The following COP1 variants were observed in gnomAD, a reference collection of about 807,000 sequenced individuals.
COP1 encodes the protein COP1 E3 ubiquitin ligase.
COP1 carries 24 observed loss-of-function variants against 101.3 expected under a neutral mutation model. The observed-to-expected ratio is 0.24, with a 90% CI of 0.17 to 0.33. The LOEUF is 0.33. COP1 is among the 10% of genes least tolerant of loss of function. The pLI is 1.00. For missense variants in COP1, 663 were observed against 906.2 expected, an observed-to-expected ratio of 0.73 and a Z score of 3.45; for synonymous variants, 347 against 341.9, an observed-to-expected ratio of 1.01 and a Z score of -0.17.
intron 18 of COP1, among the ~76,000 whole-genome samples, chr1:175,952,252 T>G (rs1650033535): frequency 6.6e-6 from 1 of 151,946 alleles, no homozygotes; most frequent in African/African-American, 2.4e-5. Flanking sequence ...TGAAACCCCA[T>G]CTCTACTAAA....
chr1:175,976,573 C>T (rs1166852233), intron 18 of COP1, among the ~76,000 whole-genome samples: 1 of 152,128 alleles, frequency 6.6e-6, no homozygotes, highest in Non-Finnish European at 1.5e-5. Context: ...CCACTGTGCC[C>T]GGCCTCATTT....
intron 18 of COP1, among the ~76,000 whole-genome samples, chr1:175,951,087 A>T (rs1313813781): frequency 6.6e-6 from 1 of 151,986 alleles, no homozygotes; most frequent in African/African-American, 2.4e-5. Flanking sequence ...CTCTACTAAA[A>T]ATACAAAAAA....
intron 11 of COP1, among the ~76,000 whole-genome samples, chr1:176,058,054 C>A (rs1673983219): frequency 7.7e-6 from 1 of 129,072 alleles, no homozygotes; most frequent in Non-Finnish European, 1.8e-5. Context: ...AGGCCCTCCG[C>A]CCGGCAGCCG....
At chr1:176,116,549 T>A in intron 9 of COP1, 75 bp downstream of exon 9, 1 of 1,245,656 alleles carries the variant, frequency 8.0e-7, no homozygotes, top group Non-Finnish European at 1.2e-6. Context: ...GACATTTTAG[T>A]AAACTAATCT....
intron 6 of COP1, among the ~76,000 whole-genome samples, 156 bp from the exon 7 acceptor site, chr1:176,136,703 A>C (rs529262848): frequency 9.2e-5 from 14 of 152,286 alleles, no homozygotes; most frequent in Non-Finnish European, 1.6e-4. Flanking sequence ...ACCATCAACA[A>C]AATATAGCTA....
At chr1:175,969,068 A>ACTCTGGAGGCT (rs1407857672) in intron 18 of COP1, among the ~76,000 whole-genome samples, 1 of 152,164 alleles carries the variant, frequency 6.6e-6, no homozygotes. Context: ...CCTCCAGACT[A>ACTCTGGAGGCT]CTCTGGTAAA....
chr1:176,128,936 G>A (rs1338493425), intron 8 of COP1, among the ~76,000 whole-genome samples: 1 of 151,800 alleles, frequency 6.6e-6, no homozygotes, highest in Non-Finnish European at 1.5e-5. Flanking sequence ...TAGGCAAGAT[G>A]GCTCACTTTT....
At chr1:176,152,404 G>A (rs1052379139) in intron 5 of COP1, among the ~76,000 whole-genome samples, 10 of 151,966 alleles carry the variant, frequency 6.6e-5, no homozygotes, top group African/African-American at 2.4e-4. Flanking sequence ...TATAAATCTT[G>A]TTAATAATGT....
chr1:176,158,630 CTTTTTTTTTTTTT>C (rs35518162), intron 5 of COP1, among the ~76,000 whole-genome samples: 3 of 79,308 alleles, frequency 3.8e-5, no homozygotes, highest in East Asian at 8.7e-4. Flanking sequence ...TTTTAAGGTT[CTTTTTTTTTTTTT>C]TTTTTTTTTT....
At chr1:176,118,990 C>A (rs971797690) in intron 8 of COP1, among the ~76,000 whole-genome samples, 2 of 152,106 alleles carry the variant, frequency 1.3e-5, no homozygotes, top group African/African-American at 4.8e-5. Flanking sequence ...AAAACAAAAA[C>A]CTTGTTTCTT....
chr1:175,966,977 T>A (rs184195003), intron 18 of COP1, among the ~76,000 whole-genome samples: 2 of 152,308 alleles, frequency 1.3e-5, no homozygotes, highest in East Asian at 1.9e-4. Context: ...GATTTCTTCA[T>A]CACAAAGGAA....
intron 15 of COP1, among the ~76,000 whole-genome samples, chr1:176,020,304 C>T (rs1666530241): frequency 6.8e-6 from 1 of 146,736 alleles, no homozygotes; most frequent in Non-Finnish European, 1.5e-5. Context: ...AAGTGAGACT[C>T]CATCTCGGAA....
At chr1:176,069,125 T>A (rs1027135506) in intron 11 of COP1, among the ~76,000 whole-genome samples, 3 of 151,548 alleles carry the variant, frequency 2.0e-5, no homozygotes, top group African/African-American at 7.3e-5. Flanking sequence ...GTCAAGGCTG[T>A]AGTAAATCAG....
intron 9 of COP1, among the ~76,000 whole-genome samples, chr1:176,116,046 A>C (rs929692679): frequency 1.3e-5 from 2 of 152,194 alleles, no homozygotes; most frequent in African/African-American, 4.8e-5. Context: ...TTTTTCCTAA[A>C]GTATTTCCTT....
At chr1:176,099,917 G>T (rs573242160) in intron 9 of COP1, among the ~76,000 whole-genome samples, 1 of 152,150 alleles carries the variant, frequency 6.6e-6, no homozygotes, top group Non-Finnish European at 1.5e-5. Context: ...TGATGGCTGG[G>T]CTTGGCTTTA....
rs764390743 is a variant in COP1 at position 176,149,047 on chromosome 1, G to A, written c.790C>T (p.Leu264Phe). The A allele has an allele frequency of 6.3e-7, 1 of 1,588,478 alleles. No individual in the cohort carries two copies. Among genetic ancestry groups the A allele is most frequent in the South Asian group, 1.2e-5 (1 of 86,834 alleles). The part of the protein sequence containing the change: ...AESHAAQLQI[L>F]MEFLKVARRN... The stretch of plus-strand genomic sequence containing the variant: ...CTTGCAACCTTGAGGAATTCCATAA[G>A]AATCTGTAGTTGGGCTGCATGTGAT... The change falls in exon 6 of 20, where the codon CTT becomes TTT. Residue 264 changes from leucine (L) to phenylalanine (F), a missense_variant. By Grantham distance (22) the Leu-to-Phe change is conservative. Transcript: ENST00000367669.
At chr1:176,180,601 C>T (rs905343819) in intron 2 of COP1, among the ~76,000 whole-genome samples, 1 of 152,034 alleles carries the variant, frequency 6.6e-6, no homozygotes. Context: ...TATGTATCTG[C>T]TAATAAAAAA....
chr1:176,154,160 G>C (rs771857562), intron 5 of COP1, among the ~76,000 whole-genome samples: 8 of 152,132 alleles, frequency 5.3e-5, no homozygotes, highest in Non-Finnish European at 7.4e-5. Flanking sequence ...GTTTCAGTAG[G>C]AATGGTACCA....
At chr1:176,141,201 G>A (rs1008921046) in intron 6 of COP1, among the ~76,000 whole-genome samples, 4 of 152,174 alleles carry the variant, frequency 2.6e-5, no homozygotes, top group Non-Finnish European at 5.9e-5. Context: ...GGGAAAAGCT[G>A]ATTTTAAAAA....
Sources: gnomAD v4.1 joint callset for allele counts (sites outside exome capture counted in the v4.1 genomes callset) on GRCh38, gnomAD v4.1.1 for gene constraint, MANE v1.5 for transcripts, NCBI Gene and HGNC (gene_info 2026-07-23, HGNC 2026-07-21) for gene names.